IQSEC1: variants seen among roughly 807,000 people sequenced by gnomAD.
The protein encoded by IQSEC1 is IQ motif and SEC7 domain-containing protein 1.
A neutral mutation model predicts 91.0 loss-of-function variants in IQSEC1; 31 were observed. That is an observed-to-expected ratio of 0.34 (90% CI 0.26 to 0.46). The LOEUF is 0.46. Ranked by LOEUF, IQSEC1 falls within the 20% of genes least tolerant of loss-of-function variation. The pLI, the probability that IQSEC1 is intolerant of heterozygous loss-of-function variation, is 1.00. For synonymous variants in IQSEC1, 699 were observed against 662.6 expected (o/e 1.05, Z -0.84); for missense variants, 1,388 against 1,575.6 (o/e 0.88, Z 2.02).
intron 1 of IQSEC1, among the ~76,000 whole-genome samples, chr3:13,018,644 C>T (rs1442881513): frequency 1.3e-5 from 2 of 152,076 alleles, no homozygotes; most frequent in Non-Finnish European, 2.9e-5. Flanking sequence ...CCAGGGAAGA[C>T]GCAGGGAGGG....
intron 1 of IQSEC1, among the ~76,000 whole-genome samples, chr3:13,059,214 C>A (rs532921674): frequency 4.0e-4 from 61 of 152,276 alleles, no homozygotes; most frequent in Admixed American, 5.9e-4. Flanking sequence ...GCAGGCCCCA[C>A]CCCAGGGGCC....
At chr3:13,178,237 G>T (rs1693774251) in intron 1 of IQSEC1, among the ~76,000 whole-genome samples, 1 of 152,276 alleles carries the variant, frequency 6.6e-6, no homozygotes, top group South Asian at 2.1e-4. Flanking sequence ...GCCAAGTGCT[G>T]GAGATTCACT....
At chr3:13,218,691 T>C (rs1694595302) in intron 1 of IQSEC1, among the ~76,000 whole-genome samples, 1 of 152,180 alleles carries the variant, frequency 6.6e-6, no homozygotes, top group Non-Finnish European at 1.5e-5. Context: ...GGCCCAGAGG[T>C]GTCTGTCGGG....
chr3:13,069,536 C>T (rs778982318), intron 1 of IQSEC1, among the ~76,000 whole-genome samples: 10 of 152,240 alleles, frequency 6.6e-5, no homozygotes, highest in Non-Finnish European at 1.2e-4. Context: ...GAGACCACTG[C>T]CTCCTGCGGG....
At chr3:13,080,577 G>A (rs141937483) in intron 2 of IQSEC1, among the ~76,000 whole-genome samples, 2,231 of 152,146 alleles carry the variant, frequency 0.015, 33 homozygotes, top group Non-Finnish European at 0.021. Flanking sequence ...GGGGTGAAGA[G>A]AGGTCAGACA....
intron 1 of IQSEC1, among the ~76,000 whole-genome samples, chr3:13,226,727 T>C (rs1379711208): frequency 6.6e-6 from 1 of 152,218 alleles, no homozygotes; most frequent in African/African-American, 2.4e-5. Context: ...CAACGCTTCC[T>C]GCATAATTGG....
intron 1 of IQSEC1, chr3:13,022,545 C>T: frequency 1.2e-6 from 1 of 833,580 alleles, no homozygotes; most frequent in East Asian, 1.2e-4. Context: ...GGGGCTGGCC[C>T]TGCGTCCAGA....
intron 1 of IQSEC1, among the ~76,000 whole-genome samples, chr3:12,966,305 CAT>C (rs1448762017): frequency 6.6e-6 from 1 of 152,210 alleles, no homozygotes; most frequent in Non-Finnish European, 1.5e-5. Flanking sequence ...CAGAGGGAGA[CAT>C]ATGCATGTTC....
chr3:12,990,774 C>G (rs1164220897), intron 1 of IQSEC1, among the ~76,000 whole-genome samples: 3 of 152,178 alleles, frequency 2.0e-5, no homozygotes, highest in African/African-American at 7.2e-5. Context: ...TTCCAGCTGG[C>G]CTGTGGGATT....
At chr3:12,975,974 G>C (rs751850044) in intron 1 of IQSEC1, among the ~76,000 whole-genome samples, 5 of 152,230 alleles carry the variant, frequency 3.3e-5, no homozygotes, top group Non-Finnish European at 7.3e-5. Context: ...GCAGACTCCT[G>C]GCTCGGCTCC....
intron 1 of IQSEC1, among the ~76,000 whole-genome samples, chr3:13,218,201 A>G (rs1479977320): frequency 6.6e-6 from 1 of 152,160 alleles, no homozygotes; most frequent in African/African-American, 2.4e-5. Context: ...TTCCACATGC[A>G]CCTATGGTGC....
intron 1 of IQSEC1, among the ~76,000 whole-genome samples, chr3:13,196,770 G>A (rs982620250): frequency 2.6e-5 from 4 of 151,952 alleles, no homozygotes; most frequent in African/African-American, 9.7e-5. Context: ...GTGTGTGTGT[G>A]TGTGTGTGTG....
chr3:13,086,933 C>G (rs997346495), intron 2 of IQSEC1, among the ~76,000 whole-genome samples: 1 of 152,238 alleles, frequency 6.6e-6, no homozygotes, highest in Non-Finnish European at 1.5e-5. Context: ...TCTTGGTTAT[C>G]GTGGCATCCC....
At chr3:13,180,710 C>T (rs1022059604) in intron 1 of IQSEC1, among the ~76,000 whole-genome samples, 15 of 144,714 alleles carry the variant, frequency 1.0e-4, no homozygotes, top group African/African-American at 3.5e-4. Flanking sequence ...CTGAAGCCAG[C>T]GAGCTCACGA....
chr3:13,213,725 T>C (rs1694487973), intron 1 of IQSEC1, among the ~76,000 whole-genome samples: 1 of 152,094 alleles, frequency 6.6e-6, no homozygotes, highest in Non-Finnish European at 1.5e-5. Context: ...CGGGCCAGTG[T>C]GAGTGGGTCC....
At chr3:13,113,016 C>T (rs947477643) in intron 2 of IQSEC1, among the ~76,000 whole-genome samples, 1 of 152,244 alleles carries the variant, frequency 6.6e-6, no homozygotes, top group Non-Finnish European at 1.5e-5. Context: ...GTCACCGGGT[C>T]GCAAGCAGAC....
chr3:13,264,965 C>T (rs662180), intron 1 of IQSEC1, among the ~76,000 whole-genome samples: 105,894 of 151,832 alleles, frequency 0.7, 37,246 homozygotes, highest in East Asian at 0.98. Context: ...TGTCTGTCTG[C>T]CTCTCTTTCT....
chr3:13,144,191 T>A (rs1040492091), intron 2 of IQSEC1, among the ~76,000 whole-genome samples: 1 of 138,130 alleles, frequency 7.2e-6, no homozygotes, highest in African/African-American at 2.9e-5. Context: ...TACCAACCCC[T>A]GTCCCCTCTT....
chr3:13,175,895 C>T (rs1009296315), intron 1 of IQSEC1, among the ~76,000 whole-genome samples: 1 of 152,218 alleles, frequency 6.6e-6, no homozygotes, highest in Non-Finnish European at 1.5e-5. Context: ...CCCCTGTGAC[C>T]TAAGTACCTC....
Sources: gnomAD v4.1 joint callset for allele counts (sites outside exome capture counted in the v4.1 genomes callset) on GRCh38, gnomAD v4.1.1 for gene constraint, MANE v1.5 for transcripts, NCBI Gene and HGNC (gene_info 2026-07-23, HGNC 2026-07-21) for gene names.